RAB11FIP4: variants seen among roughly 807,000 people sequenced by gnomAD.
RAB11FIP4 encodes RAB11 family interacting protein 4.
Under a neutral mutation model 74.3 loss-of-function variants are expected in RAB11FIP4, and 23 were observed. That is an observed-to-expected ratio of 0.31 (90% CI 0.22 to 0.44). The LOEUF (loss-of-function observed/expected upper bound fraction) is 0.44, where lower values mean the gene tolerates loss of function less well. Among genes scored for constraint, RAB11FIP4 ranks in the 20% least tolerant of loss-of-function variants. The pLI is 1.00. For synonymous variants in RAB11FIP4, 360 were observed against 359.9 expected, an observed-to-expected ratio of 1.00 and a Z score of 0.00; for missense variants, 630 against 863.9, an observed-to-expected ratio of 0.73 and a Z score of 3.39.
At chr17:31,485,497 T>C (rs2071892114) in intron 3 of RAB11FIP4, among the ~76,000 whole-genome samples, 1 of 152,194 alleles carries the variant, frequency 6.6e-6, no homozygotes, top group African/African-American at 2.4e-5. Context: ...CTGCTTTTCT[T>C]TCTTGGTTCT....
At position 31,392,165 on chromosome 17, in the gene RAB11FIP4, C is replaced by G. The variant is rs2070880089; in HGVS notation, c.159+154C>G. On this transcript the variant is annotated intron_variant, in intron 1 of 14. Coordinates refer to ENST00000621161, the MANE Select transcript of RAB11FIP4 (RefSeq NM_032932.6). ...CCGGAGCCCAGGACCTCGGCCCCCC[C>G]CGGGTATCCCTGGCCCAGCCGGGCC... 8 of 573,410 alleles carry G rather than the reference C, an allele frequency of 1.4e-5. No individual in the cohort carries two copies. The South Asian group carries it at 2.4e-4, about 17-fold the overall frequency. The allele number at this position is 573,410 out of a possible 1,614,324, so 35.5% of individuals were successfully genotyped here.
intron 3 of RAB11FIP4, among the ~76,000 whole-genome samples, chr17:31,474,869 AC>A (rs1373187764): frequency 1.7e-5 from 2 of 115,212 alleles, no homozygotes; most frequent in African/African-American, 3.1e-5. Context: ...ACAAAACAAA[AC>A]AAAACAAAAA....
In RAB11FIP4 at chr17:31,391,692, G is replaced by C; in HGVS notation, c.-161G>C. The C allele has an allele frequency of 1.7e-5, 6 of 343,404 alleles. No homozygotes were observed. The highest frequency in any genetic ancestry group is 2.5e-5 in the Non-Finnish European group (6 of 244,690). The allele number at this position is 343,404 out of a possible 1,614,324, so 21.3% of individuals were successfully genotyped here. On this transcript the variant is annotated 5_prime_UTR_variant, in exon 1 of 15. Transcript: ENST00000621161. ...TCCCCTCCGGAGCGGCTGGGGCTGC[G>C]GCGCCGCTGCTGACACGGATCGGCC...
chr17:31,412,202 C>T lies in RAB11FIP4; in HGVS notation c.160-19611C>T, dbSNP rs539718936. Among the ~76,000 whole-genome samples, 8 of 152,314 alleles carry T rather than the reference C, an allele frequency of 5.3e-5. 1 individual carries two copies. The highest frequency in any genetic ancestry group is 1.9e-4 in the African/African-American group (8 of 41,560). ...CTAGGGGTGACTGCGCACACCACCA[C>T]CCTCCTCTCACACAGATGCCGGTTT... On this transcript the variant is annotated intron_variant, in intron 1 of 14. Coordinates refer to ENST00000621161, the MANE Select transcript of RAB11FIP4 (RefSeq NM_032932.6).
intron 3 of RAB11FIP4, among the ~76,000 whole-genome samples, chr17:31,452,647 GA>G (rs1215552294): frequency 2.6e-5 from 4 of 152,176 alleles, no homozygotes; most frequent in African/African-American, 7.2e-5. Context: ...GGACCACGCG[GA>G]AAGAGCCAGA....
At chr17:31,411,810 G>A (rs1294115964) in intron 1 of RAB11FIP4, among the ~76,000 whole-genome samples, 2 of 152,222 alleles carry the variant, frequency 1.3e-5, no homozygotes, top group African/African-American at 4.8e-5. Context: ...GCCTGGGGGT[G>A]CCTCCCATGA....
chr17:31,392,094 C>G, intron 1 of RAB11FIP4, 83 bp downstream of exon 1: 1 of 1,067,812 alleles, frequency 9.4e-7, no homozygotes, highest in Non-Finnish European at 1.2e-6. Context: ...GCCGGGTCAC[C>G]CGCGTGGCCC....
chr17:31,538,040 C>A lies in RAB11FIP4; in HGVS notation c.*6308C>A. On this transcript the variant is annotated 3_prime_UTR_variant, in exon 15 of 15. Transcript: ENST00000621161. ...CTTTAGTGCTGGGGTGGGACCTGCC[C>A]TGTGGGCCCCAGGGAGGGGACAGTG... 6.6e-6 allele frequency: 1 copy of A among 152,484 alleles called. No individual in the cohort carries two copies. Among genetic ancestry groups the A allele is most frequent in the Non-Finnish European group, 1.5e-5 (1 of 68,140 alleles). 9.4% of individuals were successfully genotyped at this position (152,484 alleles called of 1,614,324 possible).
chr17:31,464,499 G>A (rs1020145879), intron 3 of RAB11FIP4, among the ~76,000 whole-genome samples: 1 of 151,270 alleles, frequency 6.6e-6, no homozygotes, highest in Admixed American at 6.6e-5. Flanking sequence ...TTGCCCAGGC[G>A]GGACTGCAGT....
In RAB11FIP4 at chr17:31,531,755, A is replaced by G. The variant is rs1236477797; in HGVS notation, c.*23A>G. ...TAAGGCACGGGGCTGGCTGCAGAGC[A>G]GCCTTAGGACCCTGGGACCAAGGGC... On this transcript the variant is annotated 3_prime_UTR_variant, in exon 15 of 15. Coordinates refer to ENST00000621161, the MANE Select transcript of RAB11FIP4 (RefSeq NM_032932.6). 1.3e-6 allele frequency: 2 copies of G among 1,536,562 alleles called. No individual in the cohort carries two copies. Among genetic ancestry groups the G allele is most frequent in the Admixed American group, 3.3e-5 (2 of 59,912 alleles).
chr17:31,528,205 C>T (rs2072801544), intron 11 of RAB11FIP4, among the ~76,000 whole-genome samples: 1 of 152,198 alleles, frequency 6.6e-6, no homozygotes, highest in African/African-American at 2.4e-5. Context: ...CTTCAGAGGC[C>T]TGAGGTTTTT....
At position 31,530,366 on chromosome 17, in the gene RAB11FIP4, G is replaced by A. The variant is rs1337032297; in HGVS notation, c.1694G>A (p.Gly565Glu). 1 of 1,614,164 alleles carries A rather than the reference G, an allele frequency of 6.2e-7. No homozygotes were observed. Among genetic ancestry groups the A allele is most frequent in the Admixed American group, 1.7e-5 (1 of 60,026 alleles). Reference sequence around the variant, plus strand: ...CGGGATCAGAACGACGACTTGAATGGGCAGATTTTGAGCCTCAGCCTCTAC... The same window carrying A: ...CGGGATCAGAACGACGACTTGAATGAGCAGATTTTGAGCCTCAGCCTCTAC... ...KLRDQNDDLN[G>E]QILSLSLYEA... Residue 565 changes from glycine (G) to glutamate (E), a missense_variant, in exon 14 of 15, where the codon GGG becomes GAG. By Grantham distance (98) the Gly-to-Glu change is moderately conservative. Transcript: ENST00000621161.
intron 1 of RAB11FIP4, among the ~76,000 whole-genome samples, chr17:31,429,781 A>G (rs2071288195): frequency 7.5e-6 from 1 of 133,968 alleles, no homozygotes; most frequent in African/African-American, 2.8e-5. Flanking sequence ...GTGAGCTGAG[A>G]TTGCGCCACT....
chr17:31,523,705 C>A, intron 8 of RAB11FIP4, 94 bp downstream of exon 8: 1 of 1,277,928 alleles, frequency 7.8e-7, no homozygotes, highest in Non-Finnish European at 1.1e-6. Flanking sequence ...ACTTGGGAGA[C>A]CCTGTACCTG....
At chr17:31,450,708 G>A (rs1307417397) in intron 3 of RAB11FIP4, among the ~76,000 whole-genome samples, 1 of 151,956 alleles carries the variant, frequency 6.6e-6, no homozygotes, top group Non-Finnish European at 1.5e-5. Context: ...GTTGGTCCCA[G>A]AACTCTAAAA....
At chr17:31,445,442 G>T (rs1007930028) in intron 3 of RAB11FIP4, among the ~76,000 whole-genome samples, 2 of 149,036 alleles carry the variant, frequency 1.3e-5, no homozygotes, top group East Asian at 3.9e-4. Context: ...ACTCTCCTAT[G>T]TGACCACAAT....
chr17:31,416,441 C>T (rs1456092820), intron 1 of RAB11FIP4, among the ~76,000 whole-genome samples: 2 of 152,180 alleles, frequency 1.3e-5, no homozygotes, highest in South Asian at 2.1e-4. Flanking sequence ...TGTCTCAGGC[C>T]GGTGTTGCTG....
Position 31,531,605 on chromosome 17 carries a change from A to G in RAB11FIP4, c.1798-11A>G, listed in dbSNP as rs369108391. The G allele has an allele frequency of 1.3e-4, 209 of 1,597,036 alleles. No individual in the cohort carries two copies. The highest frequency in any genetic ancestry group is 2.7e-4 in the Admixed American group (16 of 59,998). On this transcript the variant is annotated splice_polypyrimidine_tract_variant and intron_variant, in intron 14 of 14. Transcript: ENST00000621161. ...GCCCAGCCACTGACCCGTCTTTCCC[A>G]TTTCCTTCAGCTAATGGAAGCCCTG...
At chr17:31,453,355 CAAAAAAA>C (rs747844559) in intron 3 of RAB11FIP4, among the ~76,000 whole-genome samples, 1 of 71,774 alleles carries the variant, frequency 1.4e-5, no homozygotes, top group Non-Finnish European at 2.5e-5. Flanking sequence ...GACCCTACCT[CAAAAAAA>C]AAAAAAAAAA....
Sources: allele counts gnomAD v4.1 joint callset (sites outside exome capture counted in the v4.1 genomes callset), GRCh38; gene constraint gnomAD v4.1.1; transcripts MANE v1.5; gene names NCBI Gene and HGNC (gene_info 2026-07-23, HGNC 2026-07-21).